The following ATRNL1 variants were observed in gnomAD, a reference collection of about 807,000 sequenced individuals.
The protein encoded by ATRNL1 is attractin like 1.
Under a neutral mutation model 182.7 loss-of-function variants are expected in ATRNL1, and 95 were observed. The observed-to-expected ratio is 0.52, with a 90% CI of 0.44 to 0.62. The LOEUF (loss-of-function observed/expected upper bound fraction) is 0.62. Among genes scored for constraint, ATRNL1 ranks in the 20% least tolerant of loss-of-function variants. ATRNL1 has a pLI of 0.00. For missense variants in ATRNL1, 1,471 were observed against 1,679.5 expected (o/e 0.88, Z 2.17); for synonymous variants, 576 against 568.3 (o/e 1.01, Z -0.19).
At chr10:115,839,976 A>T (rs1042715531) in intron 27 of ATRNL1, among the ~76,000 whole-genome samples, 1 of 152,210 alleles carries the variant, frequency 6.6e-6, no homozygotes, top group African/African-American at 2.4e-5. Context: ...CTAGATTGAG[A>T]TTTTGTTTAT....
At chr10:115,708,668 A>G (rs914387510) in intron 26 of ATRNL1, among the ~76,000 whole-genome samples, 1 of 151,706 alleles carries the variant, frequency 6.6e-6, no homozygotes, top group Non-Finnish European at 1.5e-5. Context: ...CGTCATTTCC[A>G]ATTAAATGTT....
In ATRNL1 at chr10:115,120,235, A is replaced by G; in HGVS notation, c.344A>G (p.Tyr115Cys). The stretch of plus-strand genomic sequence containing the variant: ...ACAGATGGCCCAATTAACTATAAAT[A>G]TAAAACTAAATGTACTTGGCTCATT... ...YLTDGPINYKYKTKCTWLIEG... is the reference protein window; with the variant it reads ...YLTDGPINYKCKTKCTWLIEG... Residue 115 changes from tyrosine to cysteine, a missense_variant, in exon 2 of 29, where the codon TAT becomes TGT. This residue lies in a region of ATRNL1 where 1,031 missense variants were observed against 1,156.0 expected (regional missense o/e 0.89). Transcript: ENST00000355044. The G allele has an allele frequency of 6.3e-7, 1 of 1,576,554 alleles. No homozygotes were observed. The highest frequency in any genetic ancestry group is 8.7e-7 in the Non-Finnish European group (1 of 1,149,104).
At chr10:115,271,404 G>A (rs1203294753) in intron 13 of ATRNL1, among the ~76,000 whole-genome samples, 1 of 151,934 alleles carries the variant, frequency 6.6e-6, no homozygotes, top group East Asian at 1.9e-4. Flanking sequence ...ATTTACGTTA[G>A]GTATATCTCC....
At chr10:115,125,164 A>C (rs1844911139) in intron 3 of ATRNL1, among the ~76,000 whole-genome samples, 1 of 152,184 alleles carries the variant, frequency 6.6e-6, no homozygotes, top group African/African-American at 2.4e-5. Context: ...CCAAAACAGC[A>C]ATCAGTGACA....
chr10:115,935,374 G>T (rs1215716221), intron 28 of ATRNL1, among the ~76,000 whole-genome samples: 2 of 152,034 alleles, frequency 1.3e-5, no homozygotes, highest in African/African-American at 4.8e-5. Flanking sequence ...TAGTTTTTTT[G>T]TATTATTATC....
chr10:115,281,861 T>A (rs906303061), intron 14 of ATRNL1, among the ~76,000 whole-genome samples: 4 of 149,968 alleles, frequency 2.7e-5, no homozygotes, highest in Non-Finnish European at 4.4e-5. Flanking sequence ...CATATTTTCA[T>A]TATACATTAT....
chr10:115,753,576 T>C (rs1555071201), intron 27 of ATRNL1, among the ~76,000 whole-genome samples: 1 of 152,226 alleles, frequency 6.6e-6, no homozygotes, highest in Non-Finnish European at 1.5e-5. Context: ...AGTCTATCAC[T>C]GATGAGCATT....
chr10:115,160,025 T>C lies in ATRNL1; in HGVS notation c.830-15T>C. 7.4e-7 allele frequency: 1 copy of C among 1,345,512 alleles called. No individual in the cohort carries two copies. Among genetic ancestry groups the C allele is most frequent in the South Asian group, 1.6e-5 (1 of 64,066 alleles). The allele number at this position is 1,345,512 out of a possible 1,614,324, so 83.3% of individuals were successfully genotyped here. Reference sequence around the variant, plus strand: ...TTGTTTAATCTAGTGTGTTGTTTCATTTTTTTTTTAATAGGTCCTGATTGT... The same window carrying C: ...TTGTTTAATCTAGTGTGTTGTTTCACTTTTTTTTTAATAGGTCCTGATTGT... On this transcript the variant is annotated splice_polypyrimidine_tract_variant and intron_variant, in intron 5 of 28. Transcript: ENST00000355044.
At chr10:115,273,158 G>T (rs923926668) in intron 13 of ATRNL1, among the ~76,000 whole-genome samples, 1 of 152,096 alleles carries the variant, frequency 6.6e-6, no homozygotes, top group African/African-American at 2.4e-5. Flanking sequence ...AGTGGTCATA[G>T]CCAGGTTGGC....
At chr10:115,296,403 C>G (rs1379515190) in intron 15 of ATRNL1, among the ~76,000 whole-genome samples, 1 of 152,230 alleles carries the variant, frequency 6.6e-6, no homozygotes, top group South Asian at 2.1e-4. Flanking sequence ...TGTCTCTAGT[C>G]AGACATCTTG....
intron 21 of ATRNL1, among the ~76,000 whole-genome samples, chr10:115,442,902 C>T (rs1237054829): frequency 6.6e-6 from 1 of 151,778 alleles, no homozygotes; most frequent in Non-Finnish European, 1.5e-5. Context: ...TATATATTTT[C>T]TTAAGTATTA....
intron 27 of ATRNL1, among the ~76,000 whole-genome samples, chr10:115,743,478 G>T (rs1335461763): frequency 6.6e-6 from 1 of 151,810 alleles, no homozygotes; most frequent in Non-Finnish European, 1.5e-5. Flanking sequence ...AAATAATAAA[G>T]AAAAAATGAA....
At chr10:115,178,944 T>A (rs1432443267) in intron 8 of ATRNL1, among the ~76,000 whole-genome samples, 3 of 152,140 alleles carry the variant, frequency 2.0e-5, no homozygotes, top group African/African-American at 7.2e-5. Flanking sequence ...AAATTTATAT[T>A]CTTTTTCTAA....
chr10:115,158,172 A>G (rs1450654791), intron 5 of ATRNL1, among the ~76,000 whole-genome samples: 3 of 152,080 alleles, frequency 2.0e-5, no homozygotes, highest in South Asian at 2.1e-4. Flanking sequence ...AAATAAATCT[A>G]TATTTCCTTT....
At chr10:115,185,923 A>G (rs1020089193) in intron 8 of ATRNL1, among the ~76,000 whole-genome samples, 2 of 152,166 alleles carry the variant, frequency 1.3e-5, no homozygotes, top group African/African-American at 2.4e-5. Context: ...CAGTTCTGTA[A>G]AAGTTGAAAT....
chr10:115,159,454 T>C (rs1460954366), intron 5 of ATRNL1, among the ~76,000 whole-genome samples: 1 of 151,572 alleles, frequency 6.6e-6, no homozygotes, highest in African/African-American at 2.4e-5. Flanking sequence ...TTTTATTTTA[T>C]GATGCATAAT....
chr10:115,706,980 A>G (rs1555053219), intron 26 of ATRNL1, among the ~76,000 whole-genome samples: 1 of 151,898 alleles, frequency 6.6e-6, no homozygotes, highest in Non-Finnish European at 1.5e-5. Context: ...TTTCTTACAA[A>G]TTCTAAATTT....
chr10:115,137,342 A>G (rs1233521700), intron 5 of ATRNL1, among the ~76,000 whole-genome samples: 1 of 152,248 alleles, frequency 6.6e-6, no homozygotes, highest in Non-Finnish European at 1.5e-5. Flanking sequence ...TTGTAATAGA[A>G]TTCTCATTTA....
intron 27 of ATRNL1, among the ~76,000 whole-genome samples, chr10:115,754,957 T>C (rs1162997721): frequency 6.6e-6 from 1 of 152,198 alleles, no homozygotes; most frequent in Non-Finnish European, 1.5e-5. Flanking sequence ...GACTCATGAT[T>C]TGGCTCTCTG....
Sources: allele counts gnomAD v4.1 joint callset (sites outside exome capture counted in the v4.1 genomes callset), GRCh38; gene constraint gnomAD v4.1.1; regional missense constraint gnomAD v4.1.1; transcripts MANE v1.5; gene names NCBI Gene and HGNC (gene_info 2026-07-23, HGNC 2026-07-21).